PI4KA: variants seen among roughly 807,000 people sequenced by gnomAD.
PI4KA encodes the protein phosphatidylinositol 4-kinase alpha.
Under a neutral mutation model 271.4 loss-of-function variants are expected in PI4KA, and 122 were observed. The ratio of observed to expected loss-of-function variants is 0.45; its 90% confidence interval spans 0.39 to 0.52. PI4KA has a LOEUF of 0.52. Ranked by LOEUF, PI4KA falls within the 20% of genes least tolerant of loss-of-function variation. PI4KA has a pLI of 0.00. For synonymous variants in PI4KA, 1,041 were observed against 1,078.8 expected, an observed-to-expected ratio of 0.96 and a Z score of 0.69; for missense variants, 1,969 against 2,769.1, an observed-to-expected ratio of 0.71 and a Z score of 6.48.
intron 19 of PI4KA, among the ~76,000 whole-genome samples, chr22:20,770,949 G>A (rs1601450979): frequency 6.6e-6 from 1 of 152,144 alleles, no homozygotes; most frequent in African/African-American, 2.4e-5. Flanking sequence ...GGAGGCCAAG[G>A]TGGGAAGACT....
intron 23 of PI4KA, among the ~76,000 whole-genome samples, chr22:20,760,038 C>T (rs1047097130): frequency 2.6e-5 from 4 of 152,100 alleles, no homozygotes; most frequent in Non-Finnish European, 5.9e-5. Flanking sequence ...CAAGAAGTAT[C>T]GGAAATAATT....
In PI4KA at chr22:20,711,480, G is replaced by A. The variant is rs1925266504; in HGVS notation, c.5803-19C>T. Reference sequence around the variant, plus strand: ...AGCGGGCCTGTGCAGAGAGCGCCCTGGGCTCAAAAAGGCCCTGGGGCCTGT... The same window carrying A: ...AGCGGGCCTGTGCAGAGAGCGCCCTAGGCTCAAAAAGGCCCTGGGGCCTGT... On this transcript the variant is annotated intron_variant, in intron 50 of 54. Transcript: ENST00000255882. The A allele has an allele frequency of 7.5e-7, 1 of 1,335,030 alleles. No individual in the cohort carries two copies. Among genetic ancestry groups the A allele is most frequent in the African/African-American group, 1.6e-5 (1 of 63,886 alleles). The allele number at this position is 1,335,030 out of a possible 1,614,324, so 82.7% of individuals were successfully genotyped here.
intron 28 of PI4KA, among the ~76,000 whole-genome samples, chr22:20,748,374 G>A (rs1930335860): frequency 6.6e-6 from 1 of 152,270 alleles, no homozygotes; most frequent in South Asian, 2.1e-4. Context: ...GTGTGGTGTG[G>A]AGCCTCGGTT....
intron 19 of PI4KA, chr22:20,779,573 T>C (rs1933590141): frequency 1.2e-6 from 2 of 1,614,078 alleles, no homozygotes; most frequent in Admixed American, 1.7e-5. Flanking sequence ...AGATATTCAG[T>C]GAAGACGACG....
chr22:20,806,657 G>A (rs73162819), intron 10 of PI4KA, among the ~76,000 whole-genome samples: 10,403 of 151,898 alleles, frequency 0.068, 346 homozygotes, highest in East Asian at 0.079. Flanking sequence ...GGGCGACAGG[G>A]AAAGACTCTG....
At chr22:20,708,543 C>T (rs1254203407) in intron 54 of PI4KA, among the ~76,000 whole-genome samples, 17 of 143,746 alleles carry the variant, frequency 1.2e-4, no homozygotes, top group Middle Eastern at 3.4e-3. Context: ...GTGCCGGACC[C>T]GGGCGCCACC....
At chr22:20,753,076 CAG>C (rs748978022) in intron 24 of PI4KA, 32 bp downstream of exon 24, 1 of 1,614,228 alleles carries the variant, frequency 6.2e-7, no homozygotes, top group South Asian at 1.1e-5. Context: ...ATGCCTCCAG[CAG>C]ACAGACACGC....
Position 20,721,284 on chromosome 22 carries a change from G to C in PI4KA, c.5116+14C>G. 1 of 1,613,630 alleles carries C rather than the reference G, an allele frequency of 6.2e-7. No individual in the cohort carries two copies. Among genetic ancestry groups the C allele is most frequent in the Non-Finnish European group, 8.5e-7 (1 of 1,179,826 alleles). On this transcript the variant is annotated intron_variant, in intron 43 of 54. Transcript: ENST00000255882. ...AGACAGTAAGTGAGGCCTGTGGGAG[G>C]ACAAAATACTCACGGTCTTTCTGGT... is the stretch of plus-strand genomic sequence containing the variant.
chr22:20,858,476 A>C (rs1041755010), intron 1 of PI4KA, 94 bp downstream of exon 1: 6 of 916,396 alleles, frequency 6.5e-6, no homozygotes, highest in Admixed American at 4.3e-5. Flanking sequence ...CGGCGAGCCC[A>C]GCCTCGGCCT....
At chr22:20,807,501 C>T (rs1273810370) in intron 9 of PI4KA, 43 bp from the exon 10 acceptor site, 4 of 1,163,388 alleles carry the variant, frequency 3.4e-6, no homozygotes, top group African/African-American at 1.5e-5. Context: ...ACAGAAATGC[C>T]CTTCTGCCCA....
At chr22:20,826,871 T>C (rs1397330964) in intron 3 of PI4KA, among the ~76,000 whole-genome samples, 1 of 150,476 alleles carries the variant, frequency 6.6e-6, no homozygotes, top group Non-Finnish European at 1.5e-5. Flanking sequence ...GAAGTATCTA[T>C]TCGTCCTTGG....
intron 3 of PI4KA, among the ~76,000 whole-genome samples, chr22:20,828,486 T>A (rs145211867): frequency 6.6e-6 from 1 of 152,160 alleles, no homozygotes; most frequent in Non-Finnish European, 1.5e-5. Flanking sequence ...ATGATGGCTA[T>A]GGGTTTGTCA....
intron 16 of PI4KA, 46 bp from the exon 17 acceptor site, chr22:20,798,733 G>A: frequency 8.0e-7 from 1 of 1,248,632 alleles, no homozygotes; most frequent in Non-Finnish European, 1.2e-6. Flanking sequence ...ATGCCCTCAT[G>A]AGGCCCCTCC....
At chr22:20,818,089 C>G (rs184056421) in intron 7 of PI4KA, among the ~76,000 whole-genome samples, 65 of 152,216 alleles carry the variant, frequency 4.3e-4, no homozygotes, top group Non-Finnish European at 7.6e-4. Flanking sequence ...TACACCACTG[C>G]GCTCCAACCT....
chr22:20,784,387 T>C (rs1934043041), intron 19 of PI4KA: 1 of 1,155,854 alleles, frequency 8.7e-7, no homozygotes. Flanking sequence ...CTCTGTTAAT[T>C]CAGCCCCAAT....
At chr22:20,821,589 T>TTTTG (rs361536) in intron 4 of PI4KA, among the ~76,000 whole-genome samples, 35 of 150,618 alleles carry the variant, frequency 2.3e-4, no homozygotes, top group Admixed American at 1.5e-3. Context: ...ATCCCAGCAC[T>TTTTG]TTTGTTTGTT....
intron 18 of PI4KA, 193 bp from the exon 19 acceptor site, chr22:20,793,436 T>C (rs1190079531): frequency 7.8e-6 from 4 of 512,212 alleles, no homozygotes; most frequent in Non-Finnish European, 1.0e-5. Flanking sequence ...AAAACAAATG[T>C]GAAAAATAAA....
Position 20,799,714 on chromosome 22 carries a change from C to T in PI4KA, c.1777G>A (p.Ala593Thr). 6.4e-7 allele frequency: 1 copy of T among 1,552,992 alleles called. No homozygotes were observed. Among genetic ancestry groups the T allele is most frequent in the Middle Eastern group, 1.7e-4 (1 of 5,992 alleles). Residue 593 changes from alanine to threonine, a missense_variant, in exon 15 of 55, where the codon GCC (alanine) becomes ACC (threonine). Physicochemically the swap from Ala to Thr is moderately conservative, Grantham distance 58. This residue lies in a region of PI4KA where 228 missense variants were observed against 261.6 expected (regional missense o/e 0.87). Coordinates refer to ENST00000255882, the MANE Select transcript of PI4KA (RefSeq NM_058004.4). ...ATGTAGAGCCGGTTGGACAGGCTGG[C>T]CAAGAACGCCTCCACAATCACTGGG... ...VDPVIVEAFL[A>T]SLSNRLYISQ... is the part of the protein sequence containing the mutation.
In PI4KA at chr22:20,745,002, T is replaced by C. The variant is rs138672698; in HGVS notation, c.3364-282A>G. On this transcript the variant is annotated intron_variant, in intron 29 of 54. Coordinates refer to ENST00000255882, the MANE Select transcript of PI4KA (RefSeq NM_058004.4). ...AAGAATCACTAGATTGTGAGAGCAA[T>C]GTCACCTGTGATGGAAACGCCATGA... Among the ~76,000 whole-genome samples, 57 of 152,192 alleles carry C rather than the reference T, an allele frequency of 3.7e-4. 1 individual carries two copies. In the East Asian group the frequency reaches 0.011, roughly 29 times the overall value.
Sources: allele counts gnomAD v4.1 joint callset (sites outside exome capture counted in the v4.1 genomes callset), GRCh38; gene constraint gnomAD v4.1.1; regional missense constraint gnomAD v4.1.1; transcripts MANE v1.5; gene names NCBI Gene and HGNC (gene_info 2026-07-23, HGNC 2026-07-21).